The following GRIP1 variants were observed in gnomAD, a reference collection of about 807,000 sequenced individuals.
GRIP1 encodes the protein glutamate receptor-interacting protein 1.
A neutral mutation model predicts 129.9 loss-of-function variants in GRIP1; 45 were observed. The ratio of observed to expected loss-of-function variants is 0.35; its 90% confidence interval spans 0.27 to 0.44. The LOEUF (loss-of-function observed/expected upper bound fraction) is 0.44. GRIP1 is among the 20% of genes least tolerant of loss of function. The pLI is 1.00. For synonymous variants in GRIP1, 530 were observed against 520.8 expected (o/e 1.02, Z -0.24); for missense variants, 1,196 against 1,396.8 (o/e 0.86, Z 2.29).
At chr12:66,794,960 A>G (rs1648148632) in intron 1 of GRIP1, among the ~76,000 whole-genome samples, 1 of 152,176 alleles carries the variant, frequency 6.6e-6, no homozygotes, top group Non-Finnish European at 1.5e-5. Context: ...GTAAATCCAT[A>G]AAGTGGAAAT....
chr12:66,552,550 A>G (rs1244634916), intron 2 of GRIP1, among the ~76,000 whole-genome samples: 1 of 152,210 alleles, frequency 6.6e-6, no homozygotes, highest in Non-Finnish European at 1.5e-5. Flanking sequence ...GCCGAACTTC[A>G]TGTCTATTTT....
rs192389428 is a variant in GRIP1 at position 66,793,701 on chromosome 12, T to C, written c.-420+10352A>G. On this transcript the variant is annotated intron_variant, in intron 1 of 4. Coordinates refer to the GRIP1 transcript ENST00000538373. ...GGAGGCTGCCATCATGAAGGCACAG[T>C]TGACTGGCAGCATGGGGAAGGATGG... Among the ~76,000 whole-genome samples the C allele has an allele frequency of 2.9e-3, 442 of 152,252 alleles. 3 individuals are homozygous for C. Among genetic ancestry groups the C allele is most frequent in the Non-Finnish European group, 5.2e-3 (352 of 68,008 alleles).
At chr12:66,875,797 C>T (rs920393199) in intron 1 of GRIP1, among the ~76,000 whole-genome samples, 1 of 151,986 alleles carries the variant, frequency 6.6e-6, no homozygotes, top group Non-Finnish European at 1.5e-5. Context: ...CTACCTTAAG[C>T]CTGCCAAGCA....
intron 1 of GRIP1, among the ~76,000 whole-genome samples, chr12:66,844,512 G>A (rs1474640369): frequency 1.3e-5 from 2 of 152,118 alleles, no homozygotes; most frequent in African/African-American, 2.4e-5. Context: ...ATTGCTGGTG[G>A]GAATGTAAAA....
At chr12:66,508,668 T>C (rs528064236) in intron 7 of GRIP1, among the ~76,000 whole-genome samples, 1 of 152,232 alleles carries the variant, frequency 6.6e-6, no homozygotes, top group African/African-American at 2.4e-5. Context: ...AATATTTTAG[T>C]TATTGTTCCA....
Position 66,560,617 on chromosome 12 carries a change from C to G in GRIP1, c.137-18667G>C, listed in dbSNP as rs377336571. ...ATCAGCAGAGAAATCCAAATCAAAA[C>G]TACAATTAAATATAATAACATCTCA... is the stretch of plus-strand genomic sequence containing the variant. On this transcript the variant is annotated intron_variant, in intron 2 of 24. Transcript: ENST00000359742. Among the ~76,000 whole-genome samples the G allele has an allele frequency of 4.6e-5, 7 of 152,040 alleles. 1 individual carries two copies. The highest frequency in any genetic ancestry group is 4.1e-4 in the South Asian group (2 of 4,820).
chr12:66,667,924 G>C (rs1013143207), intron 1 of GRIP1, among the ~76,000 whole-genome samples: 3 of 152,100 alleles, frequency 2.0e-5, no homozygotes, highest in Non-Finnish European at 2.9e-5. Flanking sequence ...GGCCAGGAAG[G>C]GTGGCTCCTC....
intron 1 of GRIP1, among the ~76,000 whole-genome samples, chr12:66,645,242 A>G (rs2032266083): frequency 6.6e-6 from 1 of 152,206 alleles, no homozygotes; most frequent in Non-Finnish European, 1.5e-5. Context: ...TATCTTATTG[A>G]TGAGGAAACT....
chr12:66,405,484 G>A (rs2057159272), intron 16 of GRIP1, among the ~76,000 whole-genome samples: 1 of 152,202 alleles, frequency 6.6e-6, no homozygotes, highest in Non-Finnish European at 1.5e-5. Context: ...TTGCACCACA[G>A]CTGTGGCAGC....
At chr12:66,430,544 A>ATAT (rs1300712160) in intron 14 of GRIP1, among the ~76,000 whole-genome samples, 1 of 152,238 alleles carries the variant, frequency 6.6e-6, no homozygotes, top group African/African-American at 2.4e-5. Context: ...ATAAAGCATA[A>ATAT]TATTAAATGA....
intron 1 of GRIP1, among the ~76,000 whole-genome samples, chr12:66,830,330 G>T (rs1186096700): frequency 6.6e-6 from 1 of 152,104 alleles, no homozygotes; most frequent in Non-Finnish European, 1.5e-5. Flanking sequence ...TTACCTAGAT[G>T]GGCCCAAGGT....
intron 1 of GRIP1, among the ~76,000 whole-genome samples, chr12:66,628,762 G>T (rs183262478): frequency 1.9e-4 from 29 of 152,310 alleles, no homozygotes; most frequent in South Asian, 1.7e-3. Flanking sequence ...AGAGGCCGGG[G>T]ACGCTGCTAA....
At chr12:66,826,940 C>T (rs73132961) in intron 1 of GRIP1, among the ~76,000 whole-genome samples, 4 of 152,156 alleles carry the variant, frequency 2.6e-5, no homozygotes, top group East Asian at 1.9e-4. Flanking sequence ...CAATAATATA[C>T]ATCCAAATAT....
At chr12:66,510,888 C>T (rs148517200) in intron 7 of GRIP1, among the ~76,000 whole-genome samples, 4 of 152,146 alleles carry the variant, frequency 2.6e-5, no homozygotes, top group Admixed American at 2.6e-4. Flanking sequence ...GTCTCACTGG[C>T]AATGAAAAGG....
chr12:66,408,954 G>C (rs949356951), intron 15 of GRIP1, among the ~76,000 whole-genome samples: 1 of 152,046 alleles, frequency 6.6e-6, no homozygotes, highest in Admixed American at 6.6e-5. Flanking sequence ...TTGAGGAAAG[G>C]ATGGGAAGGA....
At chr12:67,001,672 C>G (rs1350527842) in intron 1 of GRIP1, among the ~76,000 whole-genome samples, 1 of 152,140 alleles carries the variant, frequency 6.6e-6, no homozygotes, top group Non-Finnish European at 1.5e-5. Context: ...TGGAGCTAAA[C>G]AGCAGCTGTC....
chr12:66,956,297 G>A (rs1403604062), intron 1 of GRIP1, among the ~76,000 whole-genome samples: 1 of 152,142 alleles, frequency 6.6e-6, no homozygotes, highest in Non-Finnish European at 1.5e-5. Flanking sequence ...CTCGATTGGG[G>A]TTTTCGCTGT....
chr12:66,985,439 T>G (rs189566280), intron 1 of GRIP1, among the ~76,000 whole-genome samples: 48 of 152,270 alleles, frequency 3.2e-4, no homozygotes, highest in African/African-American at 1.1e-3. Flanking sequence ...ATCAGCAATG[T>G]CCTACTATAA....
At chr12:66,992,780 T>C (rs1459368320) in intron 1 of GRIP1, among the ~76,000 whole-genome samples, 1 of 152,178 alleles carries the variant, frequency 6.6e-6, no homozygotes, top group Non-Finnish European at 1.5e-5. Context: ...AATTCACAAA[T>C]ATGTGGAAAT....
Sources: gnomAD v4.1 joint callset for allele counts (sites outside exome capture counted in the v4.1 genomes callset) on GRCh38, gnomAD v4.1.1 for gene constraint, MANE v1.5 for transcripts, NCBI Gene and HGNC (gene_info 2026-07-23, HGNC 2026-07-21) for gene names.